TCERG1L: variants seen among roughly 807,000 people sequenced by gnomAD.
TCERG1L encodes the protein transcription elongation regulator 1-like protein.
A neutral mutation model predicts 56.3 loss-of-function variants in TCERG1L; 37 were observed. The ratio of observed to expected loss-of-function variants is 0.66; its 90% CI spans 0.51 to 0.87. The LOEUF (loss-of-function observed/expected upper bound fraction) is 0.87. Ranked by LOEUF, TCERG1L falls within the 40% of genes least tolerant of loss-of-function variation. The pLI is 0.00. For synonymous variants in TCERG1L, 324 were observed against 326.3 expected (o/e 0.99, Z 0.08); for missense variants, 799 against 774.2 (o/e 1.03, Z -0.38).
intron 9 of TCERG1L, among the ~76,000 whole-genome samples, chr10:131,111,692 C>T (rs1329640841): frequency 2.1e-5 from 3 of 142,940 alleles, no homozygotes; most frequent in Non-Finnish European, 4.7e-5. Context: ...GTCCACGCCC[C>T]GTGGGCAGAG....
intron 8 of TCERG1L, 26 bp downstream of exon 8, chr10:131,134,353 T>C: frequency 6.4e-7 from 1 of 1,565,738 alleles, no homozygotes; most frequent in Non-Finnish European, 8.7e-7. Context: ...GGGAAAGATC[T>C]GCTGGGGAAG....
intron 4 of TCERG1L, among the ~76,000 whole-genome samples, chr10:131,244,760 G>T (rs1311058132): frequency 1.3e-5 from 2 of 152,180 alleles, no homozygotes; most frequent in African/African-American, 4.8e-5. Flanking sequence ...TTTACCTGTG[G>T]ACGAAGTCAC....
At chr10:131,185,317 T>C (rs1847846703) in intron 4 of TCERG1L, among the ~76,000 whole-genome samples, 3 of 152,198 alleles carry the variant, frequency 2.0e-5, no homozygotes, top group Admixed American at 1.3e-4. Flanking sequence ...GACATAATCT[T>C]GGATTTGGCA....
intron 3 of TCERG1L, among the ~76,000 whole-genome samples, chr10:131,283,493 G>T (rs4751357): frequency 0.23 from 35,318 of 152,012 alleles, 4,774 homozygotes; most frequent in East Asian, 0.45. Context: ...CAAAGTTAAA[G>T]AACACCGGAT....
chr10:131,120,531 G>C (rs567473881), intron 8 of TCERG1L, among the ~76,000 whole-genome samples: 6 of 152,326 alleles, frequency 3.9e-5, no homozygotes, highest in Admixed American at 6.5e-5. Context: ...CAAACACCAA[G>C]TAGTTGTTGG....
rs1215062075 is a variant in TCERG1L at position 131,187,638 on chromosome 10, G to A, written c.857-20753C>T. ...CAAAGGCCAAAATCAATAATCTGCC[G>A]CTTCTGGGGCCTCCTTGGTTCTCCC... On this transcript the variant is annotated intron_variant, in intron 4 of 11. Transcript: ENST00000368642. Among the ~76,000 whole-genome samples the A allele has an allele frequency of 5.9e-5, 9 of 152,152 alleles. No individual in the cohort carries two copies. In the South Asian group the frequency reaches 8.3e-4, roughly 14 times the overall value.
intron 3 of TCERG1L, among the ~76,000 whole-genome samples, chr10:131,289,773 G>GGTGT (rs570151519): frequency 3.6e-5 from 1 of 27,868 alleles, no homozygotes; most frequent in Non-Finnish European, 8.6e-5. Context: ...ATCTCCTATC[G>GGTGT]GTGTGAGTGT....
At chr10:131,178,826 T>C (rs1845139102) in intron 4 of TCERG1L, among the ~76,000 whole-genome samples, 1 of 152,172 alleles carries the variant, frequency 6.6e-6, no homozygotes, top group South Asian at 2.1e-4. Flanking sequence ...TTTGATCAAG[T>C]TAAACAACAG....
At chr10:131,227,455 G>A (rs1449349858) in intron 4 of TCERG1L, among the ~76,000 whole-genome samples, 1 of 152,206 alleles carries the variant, frequency 6.6e-6, no homozygotes, top group African/African-American at 2.4e-5. Context: ...TGCTGTCAGA[G>A]CTTGGGTGGG....
chr10:131,143,777 C>G (rs969411928), intron 7 of TCERG1L, among the ~76,000 whole-genome samples: 12 of 152,208 alleles, frequency 7.9e-5, no homozygotes, highest in Middle Eastern at 3.4e-3. Context: ...GGGGGTGAAG[C>G]CTGGCACTTC....
At chr10:131,162,207 G>C (rs1845985402) in intron 6 of TCERG1L, 1 of 152,236 alleles carries the variant, frequency 6.6e-6, no homozygotes, top group Admixed American at 6.5e-5. Flanking sequence ...TGGGTGGCTG[G>C]AAAACAGCAT....
intron 6 of TCERG1L, among the ~76,000 whole-genome samples, chr10:131,151,374 G>T (rs1845865747): frequency 6.7e-6 from 1 of 149,250 alleles, no homozygotes; most frequent in Non-Finnish European, 1.5e-5. Flanking sequence ...GGGAGAAATT[G>T]GCCAAAACAA....
At chr10:131,215,162 T>C (rs1845657270) in intron 4 of TCERG1L, among the ~76,000 whole-genome samples, 1 of 152,238 alleles carries the variant, frequency 6.6e-6, no homozygotes, top group African/African-American at 2.4e-5. Context: ...GGTCCTTACC[T>C]GCCAATGATT....
rs373639489 is a variant in TCERG1L, at chr10:131,198,867, G to A, written c.857-31982C>T. On this transcript the variant is annotated intron_variant, in intron 4 of 11. Coordinates refer to ENST00000368642, the MANE Select transcript of TCERG1L (RefSeq NM_174937.4). ...TGCCTGCTCAGCTCATGCACCCCGT[G>A]CACCTGCAGAGGCAGCGCCACGTGG... Among the ~76,000 whole-genome samples the A allele has an allele frequency of 5.4e-4, 82 of 152,368 alleles. No individual in the cohort carries two copies. The Middle Eastern group carries it at 0.017, about 32-fold the overall frequency.
At chr10:131,152,332 C>T (rs2894935) in intron 6 of TCERG1L, among the ~76,000 whole-genome samples, 7 of 152,110 alleles carry the variant, frequency 4.6e-5, no homozygotes, top group African/African-American at 1.7e-4. Flanking sequence ...CAGATCTCTA[C>T]GGCAAGGGCA....
At chr10:131,215,617 G>A (rs1845662521) in intron 4 of TCERG1L, among the ~76,000 whole-genome samples, 1 of 152,164 alleles carries the variant, frequency 6.6e-6, no homozygotes, top group Non-Finnish European at 1.5e-5. Flanking sequence ...GTTAGGCTCT[G>A]AGGATGCCTG....
chr10:131,120,849 C>T (rs1845505723), intron 8 of TCERG1L, among the ~76,000 whole-genome samples: 1 of 152,218 alleles, frequency 6.6e-6, no homozygotes, highest in South Asian at 2.1e-4. Context: ...CACTCCTTCC[C>T]TCCCTCTCCA....
chr10:131,171,286 C>T (rs1032826268), intron 4 of TCERG1L, among the ~76,000 whole-genome samples: 14 of 152,086 alleles, frequency 9.2e-5, no homozygotes, highest in Non-Finnish European at 1.9e-4. Context: ...GCAATCAATT[C>T]GCCCTGTTTC....
At chr10:131,106,664 C>T (rs752353303) in intron 9 of TCERG1L, among the ~76,000 whole-genome samples, 9 of 151,952 alleles carry the variant, frequency 5.9e-5, no homozygotes, top group South Asian at 2.1e-4. Flanking sequence ...TCAGATGGGG[C>T]GTACGTTTGA....
Sources: gnomAD v4.1 joint callset for allele counts (sites outside exome capture counted in the v4.1 genomes callset) on GRCh38, gnomAD v4.1.1 for gene constraint, MANE v1.5 for transcripts, NCBI Gene and HGNC (gene_info 2026-07-23, HGNC 2026-07-21) for gene names.